PACRG: variants seen among roughly 807,000 people sequenced by gnomAD.
PACRG encodes the protein parkin coregulated gene protein.
A neutral mutation model predicts 29.7 loss-of-function variants in PACRG; 29 were observed. That is an observed-to-expected ratio of 0.98 (90% CI 0.73 to 1.33). The LOEUF is 1.33. Ranked by LOEUF, PACRG falls within the 40% of genes most tolerant of loss-of-function variation. The pLI is 0.00. For synonymous variants in PACRG, 116 were observed against 118.7 expected, an observed-to-expected ratio of 0.98 and a Z score of 0.15; for missense variants, 279 against 316.2, an observed-to-expected ratio of 0.88 and a Z score of 0.89.
At chr6:162,799,278 C>A (rs1489412825) in intron 1 of PACRG, among the ~76,000 whole-genome samples, 1 of 152,160 alleles carries the variant, frequency 6.6e-6, no homozygotes, top group Non-Finnish European at 1.5e-5. Flanking sequence ...GTGAAAGATG[C>A]ATTACTATCT....
At chr6:163,107,389 CT>C (rs1815441867) in intron 4 of PACRG, among the ~76,000 whole-genome samples, 1 of 152,144 alleles carries the variant, frequency 6.6e-6, no homozygotes, top group Non-Finnish European at 1.5e-5. Context: ...AAACAAAAAG[CT>C]CCTGGAATTT....
intron 3 of PACRG, among the ~76,000 whole-genome samples, chr6:163,071,027 G>A (rs1811995084): frequency 6.6e-6 from 1 of 152,168 alleles, no homozygotes; most frequent in South Asian, 2.1e-4. Flanking sequence ...CCCAATACTG[G>A]AGCACCCAGA....
intron 3 of PACRG, among the ~76,000 whole-genome samples, chr6:163,075,565 T>C (rs1330451812): frequency 2.0e-5 from 3 of 152,194 alleles, no homozygotes; most frequent in African/African-American, 7.2e-5. Context: ...ATGACAAAGT[T>C]GGTTTTATTT....
Position 163,125,313 on chromosome 6 carries a change from T to A in PACRG, c.613+35905T>A, listed in dbSNP as rs78912830. ...TCTATAAAAGTACTAGAAGAAAATA[T>A]AATTTTGTTAAATAATTTCAGAGTG... On this transcript the variant is annotated intron_variant, in intron 4 of 4. Transcript: ENST00000366888. 5.6e-3 allele frequency among the ~76,000 whole-genome samples: 858 copies of A among 152,298 alleles called. 8 individuals are homozygous for A. The highest frequency in any genetic ancestry group is 0.02 in the African/African-American group (817 of 41,554).
intron 1 of PACRG, among the ~76,000 whole-genome samples, chr6:162,785,168 C>CAG (rs71008111): frequency 0.038 from 5,256 of 138,004 alleles, 139 homozygotes; most frequent in East Asian, 0.082. Context: ...ATGAGGGAGG[C>CAG]AGAGAGAGAG....
chr6:162,791,982 T>G (rs1046488391), intron 1 of PACRG, among the ~76,000 whole-genome samples: 6 of 152,166 alleles, frequency 3.9e-5, no homozygotes, highest in Non-Finnish European at 8.8e-5. Context: ...TTATTTCTAT[T>G]CAATGACTAG....
chr6:163,182,807 G>A (rs1779735833), intron 4 of PACRG: 1 of 152,192 alleles, frequency 6.6e-6, no homozygotes, highest in South Asian at 2.1e-4. Flanking sequence ...GGCCACGGAG[G>A]TGTACTTTTT....
At chr6:163,211,723 A>G (rs1193161074) in intron 4 of PACRG, among the ~76,000 whole-genome samples, 1 of 152,210 alleles carries the variant, frequency 6.6e-6, no homozygotes, top group Non-Finnish European at 1.5e-5. Context: ...CAATGTAAGC[A>G]GTCGAAATGG....
intron 4 of PACRG, among the ~76,000 whole-genome samples, chr6:163,228,420 C>T (rs999992620): frequency 1.4e-5 from 2 of 142,570 alleles, no homozygotes; most frequent in African/African-American, 5.2e-5. Context: ...AATAAGTAAA[C>T]CTAGAAGAGT....
chr6:163,040,988 G>A (rs896606411), intron 2 of PACRG, among the ~76,000 whole-genome samples: 2 of 152,096 alleles, frequency 1.3e-5, no homozygotes, highest in Admixed American at 6.6e-5. Flanking sequence ...AGGGGCCGGG[G>A]CAGAATAATA....
chr6:162,967,783 A>G (rs1379772030), intron 2 of PACRG, among the ~76,000 whole-genome samples: 1 of 152,148 alleles, frequency 6.6e-6, no homozygotes. Context: ...CTAGGATTGA[A>G]CTTTCTCTTT....
intron 2 of PACRG, among the ~76,000 whole-genome samples, chr6:162,849,794 CAA>C (rs929110512): frequency 3.9e-5 from 6 of 152,232 alleles, no homozygotes; most frequent in Non-Finnish European, 7.4e-5. Context: ...TAAAATATCT[CAA>C]AGAGAAAAGG....
chr6:163,099,812 G>A (rs477618), intron 4 of PACRG, among the ~76,000 whole-genome samples: 37,542 of 152,062 alleles, frequency 0.25, 5,215 homozygotes, highest in East Asian at 0.51. Flanking sequence ...GTGCCACTGC[G>A]GAACCCCTCG....
Position 162,728,287 on chromosome 6 carries a change from C to T in PACRG, c.52C>T (p.Pro18Ser). ...LSLNKCPDKM[P>S]KRTKLLAQQP... ...CTTAAACAAATGCCCAGACAAGATG[C>T]CGAAGAGGACCAAGCTGCTGGCACA... The change falls in exon 1 of 5, where the codon CCG becomes TCG. Residue 18 changes from proline (P) to serine (S), a missense_variant. By Grantham distance (74) the Pro-to-Ser change is moderately conservative. Coordinates refer to ENST00000366888, the MANE Select transcript of PACRG (RefSeq NM_001080379.2). 6.2e-7 allele frequency: 1 copy of T among 1,613,964 alleles called. No individual in the cohort carries two copies. The highest frequency in any genetic ancestry group is 8.5e-7 in the Non-Finnish European group (1 of 1,180,016).
intron 1 of PACRG, among the ~76,000 whole-genome samples, chr6:162,730,440 T>A (rs1407049715): frequency 6.6e-6 from 1 of 152,108 alleles, no homozygotes; most frequent in Non-Finnish European, 1.5e-5. Context: ...AAACCACTTT[T>A]CCAGTTAGAT....
intron 2 of PACRG, among the ~76,000 whole-genome samples, chr6:162,855,584 T>G (rs994819127): frequency 1.3e-5 from 2 of 152,096 alleles, no homozygotes; most frequent in Admixed American, 6.6e-5. Context: ...AATCCCAAAA[T>G]ATGGTACGAG....
At chr6:163,101,045 A>C in intron 4 of PACRG, 1 of 982,196 alleles carries the variant, frequency 1.0e-6, no homozygotes, top group Non-Finnish European at 1.2e-6. Context: ...AGCTTTAGTG[A>C]GCATATTTAT....
chr6:163,217,062 C>G (rs867699220), intron 4 of PACRG, among the ~76,000 whole-genome samples: 4 of 152,206 alleles, frequency 2.6e-5, no homozygotes, highest in Non-Finnish European at 5.9e-5. Flanking sequence ...AATTTTCATT[C>G]AAAACTTCCG....
intron 2 of PACRG, among the ~76,000 whole-genome samples, chr6:162,967,608 G>A (rs1026896479): frequency 2.6e-5 from 4 of 151,180 alleles, no homozygotes; most frequent in African/African-American, 7.3e-5. Context: ...CCGGTTTCAC[G>A]CCATTCTCCT....
Sources: gnomAD v4.1 joint callset for allele counts (sites outside exome capture counted in the v4.1 genomes callset) on GRCh38, gnomAD v4.1.1 for gene constraint, MANE v1.5 for transcripts, NCBI Gene and HGNC (gene_info 2026-07-23, HGNC 2026-07-21) for gene names.